GUCY2F: variants seen among roughly 807,000 people sequenced by gnomAD.
GUCY2F encodes guanylate cyclase 2F, retinal.
In GUCY2F, 61 loss-of-function variants were observed where a neutral mutation model predicts 73.1. The observed-to-expected ratio is 0.83, with a 90% CI of 0.68 to 1.03. The LOEUF (loss-of-function observed/expected upper bound fraction) is 1.03, where lower values mean the gene tolerates loss of function less well. Ranked by LOEUF, GUCY2F falls within the 50% of genes least tolerant of loss-of-function variation. The pLI, the probability that GUCY2F is intolerant of heterozygous loss-of-function variation, is 0.00. For missense variants in GUCY2F, 912 were observed against 854.3 expected (o/e 1.07, Z -0.84); for synonymous variants, 331 against 307.8 (o/e 1.08, Z -0.79).
intron 8 of GUCY2F, among the ~76,000 whole-genome samples, chrX:109,413,776 CT>C (rs1465595806): frequency 9.0e-6 from 1 of 111,030 alleles, no homozygotes; most frequent in Admixed American, 9.5e-5. Context: ...AAAAAAGTTC[CT>C]AGGATGTCAT....
chrX:109,437,863 T>G (rs943639693), intron 7 of GUCY2F, among the ~76,000 whole-genome samples: 1 of 112,656 alleles, frequency 8.9e-6, no homozygotes. Context: ...CATTTGACAT[T>G]CAAAAGCCAT....
chrX:109,389,480 G>A (rs923449951), intron 14 of GUCY2F, among the ~76,000 whole-genome samples: 3 of 111,970 alleles, frequency 2.7e-5, no homozygotes, highest in African/African-American at 9.7e-5. Flanking sequence ...CCAGAGAACT[G>A]CACTCACAGA....
intron 7 of GUCY2F, among the ~76,000 whole-genome samples, chrX:109,438,131 G>A (rs753288861): frequency 2.9e-4 from 33 of 112,314 alleles, no homozygotes; most frequent in African/African-American, 1.1e-3. Flanking sequence ...ATAAAGAGAG[G>A]AATATATTTC....
chrX:109,463,421 G>A (rs1389349262), intron 3 of GUCY2F, among the ~76,000 whole-genome samples: 5 of 103,711 alleles, frequency 4.8e-5, no homozygotes, highest in Non-Finnish European at 2.0e-5. Context: ...TTCTGGGAAA[G>A]ATTTCCTCAC....
In GUCY2F at chrX:109,441,361, G is replaced by T. The variant is rs1200914471; in HGVS notation, c.1691C>A (p.Ala564Glu). 7 of 1,138,122 alleles carry T rather than the reference G, an allele frequency of 6.2e-6. No individual in the cohort carries two copies. The highest frequency in any genetic ancestry group is 8.3e-6 in the Non-Finnish European group (7 of 848,168). The allele number at this position is 1,138,122 out of a possible 1,213,427, so 93.8% of individuals were successfully genotyped here. The stretch of plus-strand genomic sequence containing the variant: ...TGTTGAATATCTTACCTCATAAATC[G>T]CTATGTTGGAGTTTTCATAGGTAGC... Reference protein sequence around the residue: ...TPATYENSNIAIYEGDWVWLK... With the variant: ...TPATYENSNIEIYEGDWVWLK... Residue 564 changes from alanine (A) to glutamate (E), a missense_variant, in exon 7 of 20, where the codon GCG (alanine) becomes GAG (glutamate). Ala to Glu is a moderately radical substitution (Grantham distance 107). Transcript: ENST00000218006.
In GUCY2F at chrX:109,385,256, G is replaced by A; in HGVS notation, c.2983C>T (p.Leu995Phe). 2 of 1,181,795 alleles carry A rather than the reference G, an allele frequency of 1.7e-6. No individual in the cohort carries two copies. Among genetic ancestry groups the A allele is most frequent in the South Asian group, 1.8e-5 (1 of 55,738 alleles). The change falls in exon 16 of 20, where the codon CTC becomes TTC. Residue 995 changes from leucine to phenylalanine, a missense_variant. Leu to Phe is a conservative substitution (Grantham distance 22). Transcript: ENST00000218006. ...AACAAGCAGTATCTGGGCATGGTGA[G>A]GCCCACCACTCCAGCAACAACCGGC... ...SGPVVAGVVG[L>F]TMPRYCLFGD...
At chrX:109,396,244 G>A (rs1010761411) in intron 11 of GUCY2F, among the ~76,000 whole-genome samples, 5 of 110,741 alleles carry the variant, frequency 4.5e-5, no homozygotes, top group African/African-American at 9.9e-5. Context: ...CAGACTTCAC[G>A]TGGGAATTCT....
At chrX:109,401,640 G>C (rs888366157) in intron 10 of GUCY2F, among the ~76,000 whole-genome samples, 3 of 111,525 alleles carry the variant, frequency 2.7e-5, no homozygotes, top group African/African-American at 9.8e-5. Flanking sequence ...TAGTTTGGGT[G>C]GGGGGAGACA....
intron 8 of GUCY2F, among the ~76,000 whole-genome samples, chrX:109,426,316 T>C (rs1452332278): frequency 8.9e-6 from 1 of 112,263 alleles, no homozygotes; most frequent in African/African-American, 3.2e-5. Context: ...TAGTCAAATA[T>C]AGGCACAGTT....
At chrX:109,431,022 A>G (rs764083830) in intron 7 of GUCY2F, among the ~76,000 whole-genome samples, 1 of 111,405 alleles carries the variant, frequency 9.0e-6, no homozygotes, top group Admixed American at 9.5e-5. Flanking sequence ...GTCTTCCAAA[A>G]GTCTATTTCT....
chrX:109,404,228 G>T (rs1427784659), intron 10 of GUCY2F, 100 bp downstream of exon 10: 1 of 624,706 alleles, frequency 1.6e-6, no homozygotes, highest in East Asian at 3.5e-5. Context: ...CAACAAAAGT[G>T]GAGAGTTGAA....
intron 8 of GUCY2F, among the ~76,000 whole-genome samples, chrX:109,426,685 G>A (rs1392636392): frequency 1.8e-5 from 2 of 112,435 alleles, no homozygotes; most frequent in African/African-American, 3.2e-5. Flanking sequence ...CACCACACCC[G>A]GCCAGGTGAA....
At chrX:109,454,268 C>T (rs1320459914) in intron 3 of GUCY2F, among the ~76,000 whole-genome samples, 1 of 111,871 alleles carries the variant, frequency 8.9e-6, no homozygotes, top group Non-Finnish European at 1.9e-5. Context: ...GCTGGCACTA[C>T]TAGAGTGGTA....
intron 2 of GUCY2F, among the ~76,000 whole-genome samples, chrX:109,473,604 C>T (rs1316958912): frequency 9.0e-6 from 1 of 111,306 alleles, no homozygotes; most frequent in African/African-American, 3.3e-5. Flanking sequence ...GTAAAGGAAT[C>T]TCTAATGGTA....
chrX:109,382,821 T>C (rs1197096141), intron 16 of GUCY2F, among the ~76,000 whole-genome samples: 1 of 112,085 alleles, frequency 8.9e-6, no homozygotes, highest in Admixed American at 9.4e-5. Context: ...ATGATCTCAA[T>C]CTGGGATAAG....
chrX:109,440,521 C>T (rs1003554844), intron 7 of GUCY2F, among the ~76,000 whole-genome samples: 1 of 112,244 alleles, frequency 8.9e-6, no homozygotes, highest in African/African-American at 3.2e-5. Context: ...AATCTAAAAA[C>T]TCATTCTGTC....
chrX:109,423,036 T>TAAAC (rs1259654716), intron 8 of GUCY2F, among the ~76,000 whole-genome samples: 1 of 112,479 alleles, frequency 8.9e-6, no homozygotes, highest in Admixed American at 9.4e-5. Context: ...TAATGCAAGT[T>TAAAC]AAACAAACAA....
At chrX:109,439,548 T>TA (rs61485364) in intron 7 of GUCY2F, among the ~76,000 whole-genome samples, 3,561 of 110,906 alleles carry the variant, frequency 0.032, 128 homozygotes, top group African/African-American at 0.1. Context: ...GTTTTTTTTT[T>TA]AAATACATTC....
chrX:109,415,188 T>C (rs1931212422), intron 8 of GUCY2F, among the ~76,000 whole-genome samples: 1 of 110,909 alleles, frequency 9.0e-6, no homozygotes, highest in African/African-American at 3.3e-5. Context: ...AACCAGGCTG[T>C]TGTCAGCCAT....
Sources: allele counts gnomAD v4.1 joint callset (sites outside exome capture counted in the v4.1 genomes callset), GRCh38; gene constraint gnomAD v4.1.1; transcripts MANE v1.5; gene names NCBI Gene and HGNC (gene_info 2026-07-23, HGNC 2026-07-21).